TRIM44: variants seen among roughly 807,000 people sequenced by gnomAD.
TRIM44 encodes the protein tripartite motif containing 44, also known as tripartite motif-containing protein 44.
TRIM44 carries 13 observed loss-of-function variants against 37.4 expected under a neutral mutation model. The observed-to-expected ratio is 0.35, with a 90% CI of 0.23 to 0.55. The LOEUF (loss-of-function observed/expected upper bound fraction) is 0.55. Ranked by LOEUF, TRIM44 falls within the 20% of genes least tolerant of loss-of-function variation. The pLI, the probability that TRIM44 is intolerant of heterozygous loss-of-function variation, is 0.89. For missense variants in TRIM44, 426 were observed against 437.2 expected (o/e 0.97, Z 0.23); for synonymous variants, 175 against 157.2 (o/e 1.11, Z -0.85).
chr11:35,707,974 A>G (rs1474102659), intron 2 of TRIM44, among the ~76,000 whole-genome samples: 2 of 140,946 alleles, frequency 1.4e-5, no homozygotes, highest in Non-Finnish European at 3.1e-5. Context: ...TGAACAGGCA[A>G]CCTACAAAAT....
chr11:35,701,649 G>T (rs1851790288), intron 2 of TRIM44, among the ~76,000 whole-genome samples: 1 of 152,156 alleles, frequency 6.6e-6, no homozygotes, highest in East Asian at 1.9e-4. Flanking sequence ...TTTCTGGGCT[G>T]TCTTGAACAG....
intron 1 of TRIM44, among the ~76,000 whole-genome samples, chr11:35,683,739 TATATA>T (rs1851544459): frequency 1.3e-5 from 2 of 152,082 alleles, no homozygotes; most frequent in Admixed American, 6.6e-5. Flanking sequence ...GATTGTCCTA[TATATA>T]ATATAATGTA....
intron 4 of TRIM44, among the ~76,000 whole-genome samples, chr11:35,793,486 C>T (rs1267410286): frequency 6.6e-6 from 1 of 152,252 alleles, no homozygotes; most frequent in East Asian, 1.9e-4. Flanking sequence ...GATTACGCCA[C>T]TGCACTCCAG....
At chr11:35,771,034 C>T (rs146247204) in intron 4 of TRIM44, among the ~76,000 whole-genome samples, 128 of 152,084 alleles carry the variant, frequency 8.4e-4, no homozygotes, top group African/African-American at 2.7e-3. Flanking sequence ...ACCAATAGAG[C>T]GGGGCGTTGC....
At chr11:35,794,581 G>A (rs1445042549) in intron 4 of TRIM44, among the ~76,000 whole-genome samples, 1 of 152,200 alleles carries the variant, frequency 6.6e-6, no homozygotes, top group Non-Finnish European at 1.5e-5. Flanking sequence ...AGTTTATGAT[G>A]CAGCATTTTA....
chr11:35,791,118 G>C (rs1853204130), intron 4 of TRIM44, among the ~76,000 whole-genome samples: 2 of 152,034 alleles, frequency 1.3e-5, no homozygotes, highest in South Asian at 4.1e-4. Context: ...GACAAAGAGG[G>C]AGCCCTAGCC....
chr11:35,679,320 A>G (rs1257774011), intron 1 of TRIM44, among the ~76,000 whole-genome samples: 1 of 152,066 alleles, frequency 6.6e-6, no homozygotes, highest in South Asian at 2.1e-4. Flanking sequence ...TTTTGCTTCT[A>G]CCCTTTACCC....
At chr11:35,765,402 T>C (rs1286536206) in intron 4 of TRIM44, among the ~76,000 whole-genome samples, 2 of 152,182 alleles carry the variant, frequency 1.3e-5, no homozygotes, top group Admixed American at 6.5e-5. Context: ...AAAATATGAC[T>C]AGTTCTTCCT....
At chr11:35,699,777 G>T (rs991477800) in intron 2 of TRIM44, among the ~76,000 whole-genome samples, 2 of 151,802 alleles carry the variant, frequency 1.3e-5, no homozygotes, top group Non-Finnish European at 2.9e-5. Context: ...AAATCAATGT[G>T]CAAAAATCAC....
chr11:35,775,941 T>G (rs994554861), intron 4 of TRIM44, among the ~76,000 whole-genome samples: 43 of 152,190 alleles, frequency 2.8e-4, no homozygotes, highest in African/African-American at 1.0e-3. Flanking sequence ...CTTTTTTTGT[T>G]GTGTCTCTGC....
At chr11:35,668,702 A>T (rs1851358894) in intron 1 of TRIM44, among the ~76,000 whole-genome samples, 2 of 152,258 alleles carry the variant, frequency 1.3e-5, no homozygotes, top group Admixed American at 1.3e-4. Flanking sequence ...GTAATAAAAT[A>T]ATCTATTTTC....
At chr11:35,735,097 A>G (rs1291804642) in intron 3 of TRIM44, among the ~76,000 whole-genome samples, 2 of 152,308 alleles carry the variant, frequency 1.3e-5, no homozygotes, top group East Asian at 3.9e-4. Flanking sequence ...ACGTGCCTCT[A>G]TTTTGGGTTT....
At chr11:35,794,721 G>GC (rs1158395942) in intron 4 of TRIM44, among the ~76,000 whole-genome samples, 1 of 152,204 alleles carries the variant, frequency 6.6e-6, no homozygotes, top group Non-Finnish European at 1.5e-5. Flanking sequence ...TCCATGACCA[G>GC]CAAGTGGCCC....
chr11:35,702,250 A>G (rs907316276), intron 2 of TRIM44, among the ~76,000 whole-genome samples: 5 of 152,174 alleles, frequency 3.3e-5, no homozygotes, highest in African/African-American at 1.2e-4. Context: ...ACTTCCCATG[A>G]GACCCTGGCT....
At position 35,663,655 on chromosome 11, in the gene TRIM44, C is replaced by T. The variant is rs1181217930; in HGVS notation, c.544C>T (p.His182Tyr). Residue 182 changes from histidine to tyrosine, a missense_variant, in exon 1 of 5, where the codon CAT (histidine) becomes TAT (tyrosine). This residue lies in a region of TRIM44 where 331 missense variants were observed against 303.0 expected (regional missense o/e 1.09). Transcript: ENST00000299413. ...ERVAKRKCPD[H>Y]GLDLSTYCQE... Reference sequence around the variant, plus strand: ...AGTGGCCAAGAGGAAGTGTCCGGACCATGGGCTTGATTTGAGTACCTATTG... The same window carrying T: ...AGTGGCCAAGAGGAAGTGTCCGGACTATGGGCTTGATTTGAGTACCTATTG... 1.2e-6 allele frequency: 2 copies of T among 1,614,094 alleles called. No homozygotes were observed. Among genetic ancestry groups the T allele is most frequent in the Non-Finnish European group, 1.7e-6 (2 of 1,180,022 alleles).
chr11:35,731,637 T>C (rs533764399), intron 3 of TRIM44, among the ~76,000 whole-genome samples: 29 of 152,270 alleles, frequency 1.9e-4, no homozygotes, highest in Non-Finnish European at 3.5e-4. Context: ...TTTTGCAGAA[T>C]TTACTTACAT....
intron 1 of TRIM44, among the ~76,000 whole-genome samples, chr11:35,677,606 G>A (rs1455871590): frequency 6.6e-6 from 1 of 151,960 alleles, no homozygotes; most frequent in Non-Finnish European, 1.5e-5. Context: ...ATTCTTTGAG[G>A]TATAGTATTT....
chr11:35,814,076 G>A lies in TRIM44; in HGVS notation c.*7691G>A, dbSNP rs1853553. The A allele has an allele frequency of 1.3e-5, 2 of 152,110 alleles. No homozygotes were observed. Among genetic ancestry groups the A allele is most frequent in the Non-Finnish European group, 2.9e-5 (2 of 68,006 alleles). 9.4% of individuals were successfully genotyped at this position (152,110 alleles called of 1,614,324 possible). A position where few individuals can be genotyped will look rare whatever the true frequency, so the allele number is the denominator to read the frequency against. On this transcript the variant is annotated 3_prime_UTR_variant, in exon 5 of 5. Transcript: ENST00000299413. ...AAAAGTCACTTAAGCATCCCTGTTA[G>A]TTCTAAGCCCCTGTCGATTGCCCAT...
chr11:35,742,444 A>T (rs1040269135), intron 4 of TRIM44, among the ~76,000 whole-genome samples: 1 of 138,608 alleles, frequency 7.2e-6, no homozygotes, highest in Non-Finnish European at 1.5e-5. Flanking sequence ...ATTATATTAA[A>T]TATAATTATA....
Sources: gnomAD v4.1 joint callset for allele counts (sites outside exome capture counted in the v4.1 genomes callset) on GRCh38, gnomAD v4.1.1 for gene constraint, gnomAD v4.1.1 regional missense constraint, MANE v1.5 for transcripts, NCBI Gene and HGNC (gene_info 2026-07-23, HGNC 2026-07-21) for gene names.